The following MAST4 variants were observed in gnomAD, a reference collection of about 807,000 sequenced individuals.
The protein encoded by MAST4 is microtubule-associated serine/threonine-protein kinase 4.
A neutral mutation model predicts 162.7 loss-of-function variants in MAST4; 89 were observed. The ratio of observed to expected loss-of-function variants is 0.55; its 90% CI spans 0.46 to 0.65. MAST4 has a LOEUF of 0.65. Among genes scored for constraint, MAST4 ranks in the 30% least tolerant of loss-of-function variants. MAST4 has a pLI of 0.00. For missense variants in MAST4, 3,153 were observed against 3,374.0 expected (o/e 0.93, Z 1.62); for synonymous variants, 1,479 against 1,361.1 (o/e 1.09, Z -1.91).
chr5:66,905,157 A>C (rs892169393), intron 4 of MAST4, among the ~76,000 whole-genome samples: 1 of 152,110 alleles, frequency 6.6e-6, no homozygotes, highest in African/African-American at 2.4e-5. Flanking sequence ...AAATACAAAA[A>C]TTAACCAGGC....
At chr5:66,993,214 A>G (rs904127975) in intron 4 of MAST4, among the ~76,000 whole-genome samples, 10 of 152,238 alleles carry the variant, frequency 6.6e-5, no homozygotes, top group South Asian at 2.1e-4. Context: ...CATCCAGCCA[A>G]TTGACAAAGG....
chr5:67,144,718 A>G lies in MAST4; in HGVS notation c.2780A>G (p.Glu927Gly). The G allele has an allele frequency of 6.2e-7, 1 of 1,614,000 alleles. No homozygotes were observed. The highest frequency in any genetic ancestry group is 8.5e-7 in the Non-Finnish European group (1 of 1,179,850). Residue 927 changes from glutamate (E) to glycine (G), a missense_variant, in exon 22 of 29, where the codon GAA becomes GGA. Physicochemically the swap from Glu to Gly is moderately conservative, Grantham distance 98 (BLOSUM62 -2). Around this residue, in one of 7 missense-constraint regions of MAST4, gnomAD observed 619 missense variants for 744.2 expected, o/e 0.83. Coordinates refer to ENST00000403625, the MANE Select transcript of MAST4 (RefSeq NM_001164664.2). ...ACTCAGAATTCAGCAGAAGAGAAGGAAGACTCTGTGGACAAAACCAAAAGC... is the reference window on the plus strand; with the variant it reads ...ACTCAGAATTCAGCAGAAGAGAAGGGAGACTCTGTGGACAAAACCAAAAGC... The part of the protein sequence containing the change: ...RITQNSAEEK[E>G]DSVDKTKSTT...
At position 67,034,854 on chromosome 5, in the gene MAST4, C is replaced by T. The variant is rs544891262; in HGVS notation, c.675-19550C>T. Reference sequence around the variant, plus strand: ...TGTCTAGCACTATAAAAATTGTGTGCTCTATGTGGATTTTCTAAAATGATA... The same window carrying T: ...TGTCTAGCACTATAAAAATTGTGTGTTCTATGTGGATTTTCTAAAATGATA... On this transcript the variant is annotated intron_variant, in intron 4 of 28. Transcript: ENST00000403625. Among the ~76,000 whole-genome samples, 29 of 152,182 alleles carry T rather than the reference C, an allele frequency of 1.9e-4. No individual in the cohort carries two copies. In the South Asian group the frequency reaches 5.4e-3, roughly 28 times the overall value.
intron 4 of MAST4, among the ~76,000 whole-genome samples, chr5:66,971,883 C>A (rs1747474717): frequency 6.6e-6 from 1 of 151,432 alleles, no homozygotes; most frequent in African/African-American, 2.4e-5. Context: ...TGGATACAGC[C>A]ATTAACACCC....
chr5:66,922,140 TA>T (rs1427608585), intron 4 of MAST4, among the ~76,000 whole-genome samples: 1 of 152,218 alleles, frequency 6.6e-6, no homozygotes, highest in African/African-American at 2.4e-5. Flanking sequence ...TGTAGCATCC[TA>T]AGAGAAGATG....
chr5:67,050,429 C>T (rs1207962324), intron 4 of MAST4, among the ~76,000 whole-genome samples: 1 of 152,206 alleles, frequency 6.6e-6, no homozygotes, highest in African/African-American at 2.4e-5. Flanking sequence ...TGCCTGCTCA[C>T]CTCCTGCCCC....
intron 1 of MAST4, among the ~76,000 whole-genome samples, chr5:66,738,674 A>G (rs1333300008): frequency 6.6e-6 from 1 of 152,214 alleles, no homozygotes; most frequent in African/African-American, 2.4e-5. Flanking sequence ...AATGCAGGCC[A>G]GCGTAGGTGG....
chr5:66,902,386 AT>A (rs1203993370), intron 4 of MAST4, among the ~76,000 whole-genome samples: 3 of 152,146 alleles, frequency 2.0e-5, no homozygotes, highest in Middle Eastern at 6.3e-3. Context: ...GGTTTTCCAA[AT>A]TTTTTTGAAA....
At chr5:66,965,660 G>A (rs1220306302) in intron 4 of MAST4, among the ~76,000 whole-genome samples, 2 of 151,584 alleles carry the variant, frequency 1.3e-5, no homozygotes, top group Non-Finnish European at 2.9e-5. Flanking sequence ...CATAGTATAT[G>A]GTAGAAATAA....
chr5:66,653,289 G>A (rs1746343919), intron 1 of MAST4, among the ~76,000 whole-genome samples: 2 of 152,116 alleles, frequency 1.3e-5, no homozygotes, highest in Admixed American at 6.5e-5. Context: ...TGACCAAGAG[G>A]TGGCAGTTGT....
At chr5:66,616,297 T>C (rs1287158023) in intron 1 of MAST4, among the ~76,000 whole-genome samples, 1 of 152,092 alleles carries the variant, frequency 6.6e-6, no homozygotes, top group Admixed American at 6.5e-5. Context: ...AAGCAGCCCC[T>C]ACCAAGGTGA....
chr5:67,145,131 G>A lies in MAST4; in HGVS notation c.2859-13G>A, dbSNP rs750729417. On this transcript the variant is annotated splice_polypyrimidine_tract_variant and intron_variant, in intron 22 of 28. Coordinates refer to ENST00000403625, the MANE Select transcript of MAST4 (RefSeq NM_001164664.2). ...AGTATGTATATATGACTTTGTTTTT[G>A]CTTTTAATTAAGGCAACAGCTATCA... 4 of 1,581,556 alleles carry A rather than the reference G, an allele frequency of 2.5e-6. No individual in the cohort carries two copies. In the East Asian group the frequency reaches 9.1e-5, roughly 36 times the overall value.
intron 3 of MAST4, among the ~76,000 whole-genome samples, chr5:66,810,508 G>A (rs1340218099): frequency 6.6e-6 from 1 of 152,140 alleles, no homozygotes; most frequent in Non-Finnish European, 1.5e-5. Context: ...CCATTGTCTG[G>A]AACTCAGTCT....
At chr5:66,841,000 T>A (rs1457824466) in intron 3 of MAST4, among the ~76,000 whole-genome samples, 1 of 152,208 alleles carries the variant, frequency 6.6e-6, no homozygotes, top group African/African-American at 2.4e-5. Flanking sequence ...AAATTTCTGT[T>A]TGAATGTTGG....
At chr5:66,780,389 A>G (rs258260) in intron 2 of MAST4, among the ~76,000 whole-genome samples, 67,753 of 151,902 alleles carry the variant, frequency 0.45, 15,475 homozygotes, top group East Asian at 0.58. Flanking sequence ...AGACCTTCGC[A>G]GTGAGTGTTA....
chr5:66,701,435 T>A (rs1749770755), intron 1 of MAST4, among the ~76,000 whole-genome samples: 1 of 152,208 alleles, frequency 6.6e-6, no homozygotes, highest in Non-Finnish European at 1.5e-5. Context: ...GTAGCTCTTG[T>A]CTAATTTTCT....
intron 1 of MAST4, among the ~76,000 whole-genome samples, chr5:66,658,205 A>T (rs1208618888): frequency 6.6e-6 from 1 of 152,202 alleles, no homozygotes; most frequent in Non-Finnish European, 1.5e-5. Context: ...TGCTTTTTAA[A>T]ATTTGCATCA....
intron 4 of MAST4, among the ~76,000 whole-genome samples, chr5:67,015,273 T>G (rs1753143929): frequency 6.6e-6 from 1 of 152,232 alleles, no homozygotes; most frequent in South Asian, 2.1e-4. Context: ...AGTTCCCATG[T>G]AAGTGGCATG....
At chr5:66,802,459 C>T (rs1006936392) in intron 3 of MAST4, among the ~76,000 whole-genome samples, 2 of 152,170 alleles carry the variant, frequency 1.3e-5, no homozygotes, top group Non-Finnish European at 2.9e-5. Context: ...CCCTCTATTA[C>T]AGTTCTTAAA....
Sources: allele counts gnomAD v4.1 joint callset (sites outside exome capture counted in the v4.1 genomes callset), GRCh38; gene constraint gnomAD v4.1.1; regional missense constraint gnomAD v4.1.1; transcripts MANE v1.5; gene names NCBI Gene and HGNC (gene_info 2026-07-23, HGNC 2026-07-21).